The following RASA3 variants were observed in gnomAD, a reference collection of about 807,000 sequenced individuals.
RASA3 encodes RAS p21 protein activator 3.
A neutral mutation model predicts 110.0 loss-of-function variants in RASA3; 73 were observed. The ratio of observed to expected loss-of-function variants is 0.66; its 90% CI spans 0.55 to 0.81. The LOEUF is 0.81. Ranked by LOEUF, RASA3 falls within the 30% of genes least tolerant of loss-of-function variation. The probability of loss-of-function intolerance (pLI) is 0.00; values close to 1 mark genes in which losing one functional copy is unlikely to be tolerated. For synonymous variants in RASA3, 500 were observed against 451.4 expected (o/e 1.11, Z -1.37); for missense variants, 976 against 1,113.2 (o/e 0.88, Z 1.75).
chr13:114,056,649 G>C lies in RASA3; in HGVS notation c.174-4494C>G, dbSNP rs2079251057. The C allele has an allele frequency of 1.0e-6, 1 of 985,210 alleles. No homozygotes were observed. Among genetic ancestry groups the C allele is most frequent in the Non-Finnish European group, 1.2e-6 (1 of 829,938 alleles). The allele number at this position is 985,210 out of a possible 1,614,324, so 61.0% of individuals were successfully genotyped here. ...GGAGGGTCCCGTGAGGCTTCTGGTG[G>C]TGCTGACAGCTGTCCGTGGAAATTG... On this transcript the variant is annotated intron_variant, in intron 2 of 23. Transcript: ENST00000334062. This position sits in a 1 kb window ranked among gnomAD's most constrained non-coding sequence, Gnocchi z 5.7.
At chr13:114,082,438 C>T (rs76163280) in intron 1 of RASA3, among the ~76,000 whole-genome samples, 1 of 152,348 alleles carries the variant, frequency 6.6e-6, no homozygotes, top group East Asian at 1.9e-4. Flanking sequence ...ACATCTGCCT[C>T]GGAGAGAGAT....
At chr13:114,068,966 G>C (rs1339327077) in intron 2 of RASA3, among the ~76,000 whole-genome samples, 1 of 152,108 alleles carries the variant, frequency 6.6e-6, no homozygotes, top group Non-Finnish European at 1.5e-5. Flanking sequence ...AAAAAGGGAA[G>C]ACAGAGGACG....
At chr13:114,102,833 C>A (rs1470983347) in intron 1 of RASA3, among the ~76,000 whole-genome samples, 1 of 152,206 alleles carries the variant, frequency 6.6e-6, no homozygotes, top group Admixed American at 6.5e-5. Flanking sequence ...GTCCTGTGGG[C>A]TGGGGACGAC....
chr13:114,102,844 G>A (rs538869042), intron 1 of RASA3, among the ~76,000 whole-genome samples: 9 of 152,300 alleles, frequency 5.9e-5, no homozygotes, highest in East Asian at 1.9e-4. Context: ...TGGGGACGAC[G>A]GGAAGACCAA....
chr13:114,021,582 T>C lies in RASA3; in HGVS notation c.681-74A>G. On this transcript the variant is annotated intron_variant, in intron 8 of 23. Transcript: ENST00000334062. ...TGGAGCAAAGATGACAGGCCACGCT[T>C]TGTTCCCCCAGGAGCAGAATGGAGC... is the stretch of plus-strand genomic sequence containing the variant. The C allele has an allele frequency of 6.5e-6, 8 of 1,238,332 alleles. No homozygotes were observed. The South Asian group carries it at 8.7e-5, about 13-fold the overall frequency. 76.7% of individuals were successfully genotyped at this position (1,238,332 alleles called of 1,614,324 possible). A position where few individuals can be genotyped will look rare whatever the true frequency, so the allele number is the denominator to read the frequency against.
chr13:114,126,866 T>C (rs1166187080), intron 1 of RASA3, among the ~76,000 whole-genome samples: 1 of 152,148 alleles, frequency 6.6e-6, no homozygotes, highest in Non-Finnish European at 1.5e-5. Context: ...AATCAAAGAA[T>C]TGTCAAGAAA....
chr13:114,089,231 G>C (rs2079858792), intron 1 of RASA3, among the ~76,000 whole-genome samples: 1 of 150,912 alleles, frequency 6.6e-6, no homozygotes, highest in African/African-American at 2.4e-5. Flanking sequence ...AGACCAAGAT[G>C]GCAGGGATGT....
chr13:114,116,601 T>C (rs772889722), intron 1 of RASA3, among the ~76,000 whole-genome samples: 1 of 147,214 alleles, frequency 6.8e-6, no homozygotes. Flanking sequence ...TCACTTTAAA[T>C]AAAGTTATTT....
chr13:114,017,764 C>T (rs2053825530), intron 11 of RASA3, among the ~76,000 whole-genome samples: 2 of 152,184 alleles, frequency 1.3e-5, no homozygotes, highest in African/African-American at 4.8e-5. Context: ...ACAGGGCGTC[C>T]GGAAACAGCA....
chr13:114,001,418 A>ATG (rs1320095362), intron 18 of RASA3, among the ~76,000 whole-genome samples: 22 of 93,704 alleles, frequency 2.3e-4, no homozygotes, highest in Non-Finnish European at 3.5e-4. Flanking sequence ...GCTCACACAC[A>ATG]GAGGACCTAC....
chr13:114,002,101 G>A (rs1384333367), intron 18 of RASA3, among the ~76,000 whole-genome samples: 1 of 151,642 alleles, frequency 6.6e-6, no homozygotes, highest in African/African-American at 2.4e-5. Flanking sequence ...CCGAGCTGGA[G>A]GAGAAGAAAG....
chr13:114,003,339 G>C (rs2053444476), intron 18 of RASA3, among the ~76,000 whole-genome samples: 1 of 152,154 alleles, frequency 6.6e-6, no homozygotes, highest in South Asian at 2.1e-4. Flanking sequence ...GTGGCACCTG[G>C]GAGGCGCCTG....
At chr13:114,081,555 T>C (rs1415463843) in intron 1 of RASA3, among the ~76,000 whole-genome samples, 1 of 152,174 alleles carries the variant, frequency 6.6e-6, no homozygotes, top group East Asian at 1.9e-4. Context: ...TGGAATATCC[T>C]GAGAAACACG....
Position 113,999,604 on chromosome 13 carries a change from T to G in RASA3, c.1913A>C (p.Glu638Ala), listed in dbSNP as rs753088536. ...NILAVEKLEE[E>A]SFKMKNMFQV... ...ACTCACGTTTTTCATTTTGAAAGAC[T>G]CCTCCTCCAGCTTCTCCACTGCCAG... The change falls in exon 20 of 24, where the codon GAG becomes GCG. Residue 638 changes from glutamate (E) to alanine (A), a missense_variant. Physicochemically the swap from Glu to Ala is moderately radical, Grantham distance 107. Coordinates refer to ENST00000334062, the MANE Select transcript of RASA3 (RefSeq NM_007368.4). 5 of 1,612,694 alleles carry G rather than the reference T, an allele frequency of 3.1e-6. No homozygotes were observed. Among genetic ancestry groups the G allele is most frequent in the East Asian group, 2.2e-5 (1 of 44,734 alleles).
chr13:114,009,334 C>T, intron 17 of RASA3, 53 bp downstream of exon 17: 2 of 1,403,666 alleles, frequency 1.4e-6, no homozygotes, highest in Non-Finnish European at 2.0e-6. Flanking sequence ...TAAAAGAGAA[C>T]TCCGTCTCCT....
At chr13:114,037,031 C>A (rs777214849) in intron 4 of RASA3, among the ~76,000 whole-genome samples, 1 of 152,144 alleles carries the variant, frequency 6.6e-6, no homozygotes, top group South Asian at 2.1e-4. Context: ...AGTGCAAATT[C>A]CCGGGAGACT....
rs61380737 is a variant in RASA3 at position 114,074,668 on chromosome 13, C to T, written c.56-831G>A. Among the ~76,000 whole-genome samples the T allele has an allele frequency of 4.7e-4, 71 of 152,362 alleles. No homozygotes were observed. The East Asian group carries it at 0.013, about 29-fold the overall frequency. Reference sequence around the variant, plus strand: ...AGTAAAGAGAAGCGTCCCAGAGGGACCTAAGCTAGGTCCACCTCTCCCTCC... The same window carrying T: ...AGTAAAGAGAAGCGTCCCAGAGGGATCTAAGCTAGGTCCACCTCTCCCTCC... On this transcript the variant is annotated intron_variant, in intron 1 of 23. Coordinates refer to ENST00000334062, the MANE Select transcript of RASA3 (RefSeq NM_007368.4).
intron 2 of RASA3, among the ~76,000 whole-genome samples, chr13:114,068,346 G>A (rs1258576636): frequency 1.3e-5 from 2 of 152,278 alleles, no homozygotes; most frequent in Non-Finnish European, 2.9e-5. Flanking sequence ...GCGTGGATGA[G>A]GGTTTGGGGA....
chr13:114,113,450 A>G (rs1403348225), intron 1 of RASA3, among the ~76,000 whole-genome samples: 1 of 152,220 alleles, frequency 6.6e-6, no homozygotes, highest in Non-Finnish European at 1.5e-5. Flanking sequence ...CGAATTTCTT[A>G]AAAAGAGAGA....
Sources: allele counts gnomAD v4.1 joint callset (sites outside exome capture counted in the v4.1 genomes callset), GRCh38; gene constraint gnomAD v4.1.1; non-coding constraint Gnocchi (gnomAD v3.1); transcripts MANE v1.5; gene names NCBI Gene and HGNC (gene_info 2026-07-23, HGNC 2026-07-21).